The following PTPRG variants were observed in gnomAD, a reference collection of about 807,000 sequenced individuals.
The protein encoded by PTPRG is receptor-type tyrosine-protein phosphatase gamma.
PTPRG carries 102 observed loss-of-function variants against 165.3 expected under a neutral mutation model. That is an observed-to-expected ratio of 0.62 (90% CI 0.53 to 0.73). PTPRG has a LOEUF of 0.73. Among genes scored for constraint, PTPRG ranks in the 30% least tolerant of loss-of-function variants. PTPRG has a pLI of 0.00. For missense variants in PTPRG, 1,866 were observed against 1,861.4 expected (o/e 1.00, Z -0.05); for synonymous variants, 675 against 669.5 (o/e 1.01, Z -0.13).
chr3:62,128,825 A>G (rs1483845181), intron 5 of PTPRG, among the ~76,000 whole-genome samples: 1 of 149,458 alleles, frequency 6.7e-6, no homozygotes, highest in Non-Finnish European at 1.5e-5. Flanking sequence ...GCTTATGCCC[A>G]TGAATTTTTT....
At chr3:61,855,434 G>T (rs1012927765) in intron 2 of PTPRG, among the ~76,000 whole-genome samples, 1 of 152,196 alleles carries the variant, frequency 6.6e-6, no homozygotes, top group Non-Finnish European at 1.5e-5. Flanking sequence ...CAGGATTCTT[G>T]CCCAAGTCTG....
rs572584777 is a variant in PTPRG, at chr3:61,826,503, C to T, written c.190+77521C>T. ...TCTTGGAGTCACCCAGTCCTTTCTT[C>T]CACATCTTCCAGAACTTAAAAAAAA... On this transcript the variant is annotated intron_variant, in intron 2 of 29. Coordinates refer to ENST00000474889, the MANE Select transcript of PTPRG (RefSeq NM_002841.4). Among the ~76,000 whole-genome samples the T allele has an allele frequency of 2.7e-5, 4 of 149,240 alleles. No individual in the cohort carries two copies. The East Asian group carries it at 8.2e-4, about 30-fold the overall frequency.
intron 7 of PTPRG, among the ~76,000 whole-genome samples, chr3:62,158,002 A>G (rs1436855496): frequency 3.9e-5 from 6 of 152,190 alleles, no homozygotes; most frequent in Non-Finnish European, 7.3e-5. Context: ...GCCAAAAACT[A>G]AGCCTGGGTT....
At chr3:62,179,319 C>T (rs1435538505) in intron 8 of PTPRG, among the ~76,000 whole-genome samples, 2 of 152,190 alleles carry the variant, frequency 1.3e-5, no homozygotes, top group Admixed American at 1.3e-4. Flanking sequence ...TCCTGGGCAA[C>T]TCTCTTGACT....
chr3:61,968,435 A>T (rs1393963159), intron 2 of PTPRG, among the ~76,000 whole-genome samples: 2 of 152,062 alleles, frequency 1.3e-5, no homozygotes. Context: ...TCCTTTGCTG[A>T]GTTGGATTTT....
chr3:61,612,616 A>G (rs1701202973), intron 1 of PTPRG, among the ~76,000 whole-genome samples: 2 of 152,060 alleles, frequency 1.3e-5, no homozygotes, highest in Non-Finnish European at 2.9e-5. Context: ...TCTCTAGCCT[A>G]TTTTGTTCCT....
chr3:62,197,890 C>G (rs1559636909), intron 10 of PTPRG, among the ~76,000 whole-genome samples: 1 of 152,202 alleles, frequency 6.6e-6, no homozygotes, highest in Non-Finnish European at 1.5e-5. Flanking sequence ...TGTCTACAGA[C>G]TTTCTTTCCT....
At chr3:62,070,063 G>A (rs1342722134) in intron 4 of PTPRG, among the ~76,000 whole-genome samples, 1 of 152,142 alleles carries the variant, frequency 6.6e-6, no homozygotes, top group African/African-American at 2.4e-5. Context: ...CAGAGTGTTT[G>A]TGTTATGTAT....
chr3:62,045,996 A>ATC (rs1402243475), intron 4 of PTPRG, among the ~76,000 whole-genome samples: 1 of 152,118 alleles, frequency 6.6e-6, no homozygotes, highest in Non-Finnish European at 1.5e-5. Flanking sequence ...GAGGTGGTTG[A>ATC]TCTCTCCAAG....
rs574570781 is a variant in PTPRG at position 61,871,220 on chromosome 3, G to A, written c.191-118405G>A. On this transcript the variant is annotated intron_variant, in intron 2 of 29. Transcript: ENST00000474889. ...GTTATGTTATGTTATGTTATGTTAT[G>A]TTATGTTATGTTAATGTTATATTTT... 2.2e-4 allele frequency among the ~76,000 whole-genome samples: 26 copies of A among 120,814 alleles called. 2 individuals are homozygous for A. The highest frequency in any genetic ancestry group is 8.1e-4 in the African/African-American group (26 of 32,182). The allele number at this position is 120,814 out of a possible 152,430, so 79.3% of individuals were successfully genotyped here. A position where few individuals can be genotyped will look rare whatever the true frequency, so the allele number is the denominator to read the frequency against.
intron 1 of PTPRG, among the ~76,000 whole-genome samples, chr3:61,732,117 T>A (rs977498731): frequency 3.3e-5 from 5 of 152,164 alleles, no homozygotes; most frequent in South Asian, 2.1e-4. Context: ...ATAGGGACTT[T>A]TAAATTTTGT....
rs953505696 is a variant in PTPRG at position 62,237,257 on chromosome 3, C to T, written c.2375+5946C>T. On this transcript the variant is annotated intron_variant, in intron 14 of 29. Coordinates refer to ENST00000474889, the MANE Select transcript of PTPRG (RefSeq NM_002841.4). The surrounding 1 kb of genome is among the most constrained non-coding windows in gnomAD (Gnocchi z 4.5). The stretch of plus-strand genomic sequence containing the variant: ...TTCTGGGTATTCTTCCTTAAGAATT[C>T]CTGGGTGGAAATGGGGGGTCAGAAG... Among the ~76,000 whole-genome samples the T allele has an allele frequency of 6.6e-6, 1 of 152,026 alleles. No homozygotes were observed. The highest frequency in any genetic ancestry group is 2.1e-4 in the South Asian group (1 of 4,808).
At chr3:61,737,666 C>G (rs1438502720) in intron 1 of PTPRG, among the ~76,000 whole-genome samples, 3 of 152,044 alleles carry the variant, frequency 2.0e-5, no homozygotes, top group Admixed American at 2.0e-4. Context: ...AGGTCCACCC[C>G]CTTCATGATA....
chr3:61,651,503 T>C (rs1702354148), intron 1 of PTPRG, among the ~76,000 whole-genome samples: 1 of 152,186 alleles, frequency 6.6e-6, no homozygotes, highest in Admixed American at 6.5e-5. Context: ...CTAGACTTAG[T>C]TCATGAGACA....
At chr3:62,092,912 C>A (rs1701989715) in intron 5 of PTPRG, among the ~76,000 whole-genome samples, 1 of 152,188 alleles carries the variant, frequency 6.6e-6, no homozygotes, top group African/African-American at 2.4e-5. Flanking sequence ...AGAGGAAAGG[C>A]ATTCTCACCT....
chr3:61,866,897 A>G (rs1268698109), intron 2 of PTPRG, among the ~76,000 whole-genome samples: 6 of 152,114 alleles, frequency 3.9e-5, no homozygotes, highest in African/African-American at 1.4e-4. Flanking sequence ...GCACCCGGCC[A>G]AAGTGGTTGC....
At chr3:61,859,282 T>C (rs1441598516) in intron 2 of PTPRG, among the ~76,000 whole-genome samples, 1 of 152,176 alleles carries the variant, frequency 6.6e-6, no homozygotes, top group Non-Finnish European at 1.5e-5. Flanking sequence ...CCTTAGGTTA[T>C]TTTCTTTCTT....
chr3:61,659,433 A>G, intron 1 of PTPRG: 1 of 985,336 alleles, frequency 1.0e-6, no homozygotes, highest in Non-Finnish European at 1.2e-6. Context: ...CTTAAAAGTG[A>G]AAAAGCCTTT....
chr3:62,007,546 C>G (rs1183117753), intron 4 of PTPRG, among the ~76,000 whole-genome samples: 1 of 152,216 alleles, frequency 6.6e-6, no homozygotes, highest in Non-Finnish European at 1.5e-5. Flanking sequence ...TATTCCTTGC[C>G]TAGCAGCACA....
Sources: allele counts gnomAD v4.1 joint callset (sites outside exome capture counted in the v4.1 genomes callset), GRCh38; gene constraint gnomAD v4.1.1; non-coding constraint Gnocchi (gnomAD v3.1); transcripts MANE v1.5; gene names NCBI Gene and HGNC (gene_info 2026-07-23, HGNC 2026-07-21).